Variants in HS3ST5 observed in about 807,000 individuals in gnomAD.
The protein encoded by HS3ST5 is heparan sulfate glucosamine 3-O-sulfotransferase 5.
HS3ST5 carries 10 observed loss-of-function variants against 25.4 expected under a neutral mutation model. That is an observed-to-expected ratio of 0.39 (90% CI 0.24 to 0.67). HS3ST5 has a LOEUF of 0.67. Ranked by LOEUF, HS3ST5 falls within the 30% of genes least tolerant of loss-of-function variation. The pLI is 0.44. For missense variants in HS3ST5, 324 were observed against 420.7 expected, an observed-to-expected ratio of 0.77 and a Z score of 2.01; for synonymous variants, 170 against 162.4, an observed-to-expected ratio of 1.05 and a Z score of -0.36.
intron 3 of HS3ST5, among the ~76,000 whole-genome samples, chr6:114,111,914 C>T (rs971042255): frequency 6.6e-6 from 1 of 152,114 alleles, no homozygotes; most frequent in South Asian, 2.1e-4. Context: ...CAGTACTCCA[C>T]TCCAGAAATT....
At chr6:114,172,169 GCAGAATATTTCTT>G in intron 2 of HS3ST5, among the ~76,000 whole-genome samples, 1 of 152,264 alleles carries the variant, frequency 6.6e-6, no homozygotes, top group African/African-American at 2.4e-5. Context: ...AGTAAGTTGT[GCAGAATATTTCTT>G]TCCTTTTCAC....
intron 3 of HS3ST5, among the ~76,000 whole-genome samples, chr6:114,091,260 A>C (rs1344974807): frequency 8.5e-5 from 13 of 152,194 alleles, no homozygotes; most frequent in African/African-American, 3.1e-4. Flanking sequence ...AAGTTTGTGG[A>C]TCAAGTATTG....
Position 114,084,740 on chromosome 6 carries a change from G to C in HS3ST5, c.-32-21863C>G. ...GATTTGGTTAGTGAAGGTTCCAGGC[G>C]TGAAGAGGCCAGCAATTGGAGTGGC... On this transcript the variant is annotated intron_variant, in intron 3 of 4. Transcript: ENST00000312719. 3 of 870,564 alleles carry C rather than the reference G, an allele frequency of 3.4e-6. No homozygotes were observed. In the South Asian group the frequency reaches 3.9e-5, roughly 11 times the overall value. The allele number at this position is 870,564 out of a possible 1,614,324, so 53.9% of individuals were successfully genotyped here. A position where few individuals can be genotyped will look rare whatever the true frequency, so the allele number is the denominator to read the frequency against.
intron 1 of HS3ST5, among the ~76,000 whole-genome samples, chr6:114,304,117 C>T (rs1193960949): frequency 6.6e-6 from 1 of 152,080 alleles, no homozygotes; most frequent in Admixed American, 6.6e-5. Context: ...GACTGACCTA[C>T]ACTCAATTAG....
chr6:114,082,239 T>G (rs545354280), intron 3 of HS3ST5, among the ~76,000 whole-genome samples: 1 of 152,364 alleles, frequency 6.6e-6, no homozygotes, highest in South Asian at 2.1e-4. Context: ...TTGAGCTGTT[T>G]TCTTCATTAG....
rs2114954862 is a variant in HS3ST5, at chr6:114,342,175, G to C, written c.-339+20C>G. ...TCAAAGCCCCTCCCCCGCGCGAGGC[G>C]GGCAGCGCGCCTTGCTCACCGTGGT... On this transcript the variant is annotated intron_variant, in intron 1 of 4. Coordinates refer to ENST00000312719, the MANE Select transcript of HS3ST5 (RefSeq NM_153612.4). The C allele has an allele frequency of 1.3e-5, 2 of 152,474 alleles. No homozygotes were observed. The highest frequency in any genetic ancestry group is 1.3e-4 in the Admixed American group (2 of 15,292). 9.4% of individuals were successfully genotyped at this position (152,474 alleles called of 1,614,324 possible).
At chr6:114,192,066 G>A (rs368243774) in intron 2 of HS3ST5, among the ~76,000 whole-genome samples, 127 of 152,232 alleles carry the variant, frequency 8.3e-4, no homozygotes, top group African/African-American at 2.9e-3. Flanking sequence ...AATTGAATGT[G>A]TCATGCAATC....
chr6:114,072,468 G>A (rs1249834391), intron 3 of HS3ST5, among the ~76,000 whole-genome samples: 1 of 151,984 alleles, frequency 6.6e-6, no homozygotes, highest in African/African-American at 2.4e-5. Context: ...GTAGAGTAAA[G>A]CAAAGGTAAT....
At chr6:114,143,318 A>G (rs906996004) in intron 3 of HS3ST5, among the ~76,000 whole-genome samples, 2 of 152,222 alleles carry the variant, frequency 1.3e-5, no homozygotes. Context: ...GTACTGCAAA[A>G]TGTCTAGCAT....
chr6:114,209,340 A>G (rs533162181), intron 2 of HS3ST5, among the ~76,000 whole-genome samples: 1 of 152,142 alleles, frequency 6.6e-6, no homozygotes, highest in Non-Finnish European at 1.5e-5. Context: ...TATTACTGAA[A>G]AAAAAACTTG....
chr6:114,246,254 G>T (rs1444347769), intron 1 of HS3ST5, among the ~76,000 whole-genome samples: 3 of 152,184 alleles, frequency 2.0e-5, no homozygotes, highest in Non-Finnish European at 4.4e-5. Flanking sequence ...GTGACACAGA[G>T]CAATGTTCCA....
chr6:114,129,653 T>G (rs1175367035), intron 3 of HS3ST5, among the ~76,000 whole-genome samples: 1 of 152,134 alleles, frequency 6.6e-6, no homozygotes, highest in Admixed American at 6.5e-5. Context: ...CACCGAAAAT[T>G]CTCTGGGGTG....
intron 1 of HS3ST5, among the ~76,000 whole-genome samples, chr6:114,320,453 C>A (rs1366321577): frequency 6.6e-6 from 1 of 152,102 alleles, no homozygotes; most frequent in African/African-American, 2.4e-5. Context: ...AAGTCTTCTT[C>A]CCTTCTATGA....
At chr6:114,229,177 G>A (rs1771455341) in intron 1 of HS3ST5, among the ~76,000 whole-genome samples, 1 of 152,154 alleles carries the variant, frequency 6.6e-6, no homozygotes, top group Non-Finnish European at 1.5e-5. Flanking sequence ...AAATCCCCAT[G>A]GAATCATCTG....
chr6:114,154,787 C>T (rs1034368445), intron 3 of HS3ST5, among the ~76,000 whole-genome samples: 10 of 152,140 alleles, frequency 6.6e-5, no homozygotes, highest in East Asian at 1.9e-4. Flanking sequence ...ATGTGCTTCA[C>T]GCAGATGTGG....
At chr6:114,306,405 T>C (rs1775301206) in intron 1 of HS3ST5, among the ~76,000 whole-genome samples, 2 of 150,736 alleles carry the variant, frequency 1.3e-5, no homozygotes, top group South Asian at 4.2e-4. Context: ...ATATAATCTA[T>C]AAGCAAATAA....
Position 114,260,056 on chromosome 6 carries a change from C to T in HS3ST5, c.-338-31278G>A, listed in dbSNP as rs536792685. Among the ~76,000 whole-genome samples, 54 of 152,022 alleles carry T rather than the reference C, an allele frequency of 3.6e-4. No individual in the cohort carries two copies. The South Asian group carries it at 0.011, about 31-fold the overall frequency. ...CAGCCTAATTAATAATCCAAAATGC[C>T]ACATACAGATAAATTATGATAGTTC... On this transcript the variant is annotated intron_variant, in intron 1 of 4. Transcript: ENST00000312719.
At chr6:114,139,724 T>G (rs1170146855) in intron 3 of HS3ST5, among the ~76,000 whole-genome samples, 1 of 152,194 alleles carries the variant, frequency 6.6e-6, no homozygotes, top group Admixed American at 6.5e-5. Context: ...TTATGCATCA[T>G]CTTCAACTTG....
intron 1 of HS3ST5, among the ~76,000 whole-genome samples, chr6:114,245,623 T>A (rs892423562): frequency 5.3e-5 from 8 of 152,060 alleles, no homozygotes; most frequent in African/African-American, 1.9e-4. Flanking sequence ...AAGCATAATT[T>A]CAACGGACAC....
Sources: gnomAD v4.1 joint callset for allele counts (sites outside exome capture counted in the v4.1 genomes callset) on GRCh38, gnomAD v4.1.1 for gene constraint, MANE v1.5 for transcripts, NCBI Gene and HGNC (gene_info 2026-07-23, HGNC 2026-07-21) for gene names.